UBR2: variants seen among roughly 807,000 people sequenced by gnomAD.
UBR2 encodes E3 ubiquitin-protein ligase UBR2.
UBR2 carries 92 observed loss-of-function variants against 247.9 expected under a neutral mutation model. The observed-to-expected ratio is 0.37, with a 90% CI of 0.31 to 0.44. The LOEUF (loss-of-function observed/expected upper bound fraction) is 0.44. Ranked by LOEUF, UBR2 falls within the 20% of genes least tolerant of loss-of-function variation. The probability of loss-of-function intolerance (pLI) is 1.00; values close to 1 mark genes in which losing one functional copy is unlikely to be tolerated. For synonymous variants in UBR2, 672 were observed against 693.5 expected (o/e 0.97, Z 0.49); for missense variants, 1,613 against 2,112.6 (o/e 0.76, Z 4.64).
chr6:42,660,888 A>G (rs1797755312), intron 30 of UBR2, among the ~76,000 whole-genome samples: 1 of 151,814 alleles, frequency 6.6e-6, no homozygotes, highest in Non-Finnish European at 1.5e-5. Context: ...AATTGCTTGA[A>G]CCTGGGAGGC....
chr6:42,596,610 A>T (rs893025783), intron 4 of UBR2, among the ~76,000 whole-genome samples: 1 of 152,240 alleles, frequency 6.6e-6, no homozygotes, highest in African/African-American at 2.4e-5. Context: ...ATGGATAAAC[A>T]AATTGTGATA....
At chr6:42,566,176 A>G (rs1790768177) in intron 1 of UBR2, among the ~76,000 whole-genome samples, 1 of 152,020 alleles carries the variant, frequency 6.6e-6, no homozygotes, top group Admixed American at 6.6e-5. Flanking sequence ...CAAACTATCA[A>G]GTGATTAGAG....
In UBR2 at chr6:42,670,107, G is replaced by A. The variant is rs768770809; in HGVS notation, c.3897G>A (p.Glu1299=). 2 of 1,614,046 alleles carry A rather than the reference G, an allele frequency of 1.2e-6. No individual in the cohort carries two copies. Among genetic ancestry groups the A allele is most frequent in the East Asian group, 4.5e-5 (2 of 44,874 alleles). The change falls in exon 35 of 47, where the codon GAG becomes GAA. Residue 1299 remains glutamate (E), a synonymous_variant. Transcript: ENST00000372901. ...TTTACTTCAGGATCCCTTATTCTGA[G>A]AGCATAAAAGAAATGCTAACGACAT... is the stretch of plus-strand genomic sequence containing the variant. ...PDFRPKIPYS[E]SIKEMLTTFG...
rs1385098304 is a variant in UBR2 at position 42,691,594 on chromosome 6, A to C, written c.*421A>C. 3 of 242,156 alleles carry C rather than the reference A, an allele frequency of 1.2e-5. No individual in the cohort carries two copies. The highest frequency in any genetic ancestry group is 2.4e-5 in the Non-Finnish European group (3 of 124,282). 15.0% of individuals were successfully genotyped at this position (242,156 alleles called of 1,614,324 possible). ...TCCTGGTTCCACTGAGTGGCCCAAC[A>C]CTGGGACTGGGTTGGTGTCCCCTCT... is the stretch of plus-strand genomic sequence containing the variant. On this transcript the variant is annotated 3_prime_UTR_variant, in exon 47 of 47. Transcript: ENST00000372901.
intron 34 of UBR2, among the ~76,000 whole-genome samples, 168 bp from the exon 35 acceptor site, chr6:42,669,924 C>A (rs1350452418): frequency 6.6e-6 from 1 of 152,160 alleles, no homozygotes; most frequent in East Asian, 1.9e-4. Flanking sequence ...GAGTCTAACT[C>A]CTCTTGGGCA....
chr6:42,606,949 A>G (rs555006273), intron 7 of UBR2, among the ~76,000 whole-genome samples: 2 of 152,232 alleles, frequency 1.3e-5, no homozygotes, highest in Non-Finnish European at 2.9e-5. Context: ...GTTACTTCTT[A>G]GAAATTTAAA....
rs766547729 is a variant in UBR2 at position 42,676,106 on chromosome 6, G to T, written c.4302G>T (p.Gly1434=). 57 of 1,613,398 alleles carry T rather than the reference G, an allele frequency of 3.5e-5. No homozygotes were observed. The highest frequency in any genetic ancestry group is 2.0e-4 in the South Asian group (18 of 90,940). ...FPALQCQDFS[G]ISLGTGDLHI... is the part of the protein sequence containing the mutation. The stretch of plus-strand genomic sequence containing the variant: ...CGTTGCAGTGTCAGGATTTTTCAGG[G>T]ATCAGCCTTGGCACTGGAGACCTTC... The change falls in exon 39 of 47, where the codon GGG becomes GGT. Residue 1434 remains glycine (G), a synonymous_variant. Transcript: ENST00000372901.
At chr6:42,604,633 C>T (rs566474013) in intron 5 of UBR2, among the ~76,000 whole-genome samples, 27 of 152,232 alleles carry the variant, frequency 1.8e-4, no homozygotes, top group Admixed American at 8.5e-4. Flanking sequence ...ACTCTTGCCC[C>T]GTACAATTCA....
chr6:42,674,321 T>G (rs974594861), intron 38 of UBR2, 128 bp downstream of exon 38: 3 of 817,440 alleles, frequency 3.7e-6, no homozygotes, highest in Non-Finnish European at 5.6e-6. Context: ...AGTATAATTC[T>G]TTTATGAGAA....
intron 25 of UBR2, 104 bp downstream of exon 25, chr6:42,652,749 T>C: frequency 2.7e-6 from 3 of 1,093,960 alleles, no homozygotes; most frequent in Non-Finnish European, 1.3e-6. Flanking sequence ...AAATGTATTG[T>C]GTTTTCCTAA....
At chr6:42,654,350 G>C (rs1797309265) in intron 25 of UBR2, among the ~76,000 whole-genome samples, 1 of 152,166 alleles carries the variant, frequency 6.6e-6, no homozygotes, top group Non-Finnish European at 1.5e-5. Context: ...ATGTCACCTA[G>C]TTCTTCCAAG....
At chr6:42,633,741 T>TTGTTTTGTTA (rs1308780448) in intron 13 of UBR2, among the ~76,000 whole-genome samples, 1 of 151,378 alleles carries the variant, frequency 6.6e-6, no homozygotes, top group Non-Finnish European at 1.5e-5. Context: ...TTGTTTTGTT[T>TTGTTTTGTTA]TGTTTGAGAC....
At chr6:42,619,806 C>A in intron 11 of UBR2, 1 of 320,674 alleles carries the variant, frequency 3.1e-6, no homozygotes, top group Non-Finnish European at 4.5e-6. Flanking sequence ...CAGCTTTGAC[C>A]ACCTGGGCTT....
At chr6:42,585,454 G>C (rs548329312) in intron 2 of UBR2, among the ~76,000 whole-genome samples, 26 of 152,110 alleles carry the variant, frequency 1.7e-4, no homozygotes, top group Non-Finnish European at 2.9e-4. Context: ...CTTGTAAAAC[G>C]AATTGGGATA....
chr6:42,654,393 G>A (rs982527413), intron 25 of UBR2, among the ~76,000 whole-genome samples: 3 of 152,114 alleles, frequency 2.0e-5, no homozygotes, highest in African/African-American at 7.2e-5. Flanking sequence ...CATGTGAAGG[G>A]AAAGATACAG....
At chr6:42,658,513 CTT>C (rs1316465332) in intron 28 of UBR2, 131 bp from the exon 29 acceptor site, 38 of 1,136,306 alleles carry the variant, frequency 3.3e-5, no homozygotes, top group East Asian at 2.9e-4. Context: ...GTTTAAGAGT[CTT>C]TTCTCTTATT....
At chr6:42,625,492 C>T (rs1245745045) in intron 11 of UBR2, among the ~76,000 whole-genome samples, 1 of 152,056 alleles carries the variant, frequency 6.6e-6, no homozygotes, top group Non-Finnish European at 1.5e-5. Flanking sequence ...CTTTGTCACC[C>T]AAGCTGGAGT....
chr6:42,643,320 G>T (rs1023641647), intron 18 of UBR2, among the ~76,000 whole-genome samples: 2 of 152,160 alleles, frequency 1.3e-5, no homozygotes, highest in Admixed American at 6.5e-5. Context: ...AGCTGGCTAG[G>T]CACAGAGGCT....
At chr6:42,675,510 A>C (rs558788653) in intron 38 of UBR2, among the ~76,000 whole-genome samples, 3 of 152,216 alleles carry the variant, frequency 2.0e-5, no homozygotes, top group Non-Finnish European at 4.4e-5. Flanking sequence ...TAGAGGACCC[A>C]CTGGATTAAT....
Sources: allele counts gnomAD v4.1 joint callset (sites outside exome capture counted in the v4.1 genomes callset), GRCh38; gene constraint gnomAD v4.1.1; transcripts MANE v1.5; gene names NCBI Gene and HGNC (gene_info 2026-07-23, HGNC 2026-07-21).